The following FAF1 variants were observed in gnomAD, a reference collection of about 807,000 sequenced individuals.
The protein encoded by FAF1 is FAS-associated factor 1.
FAF1 carries 25 observed loss-of-function variants against 92.5 expected under a neutral mutation model. The ratio of observed to expected loss-of-function variants is 0.27; its 90% CI spans 0.20 to 0.38. The LOEUF (loss-of-function observed/expected upper bound fraction) is 0.38, where lower values mean the gene tolerates loss of function less well. Ranked by LOEUF, FAF1 falls within the 10% of genes least tolerant of loss-of-function variation. The pLI, the probability that FAF1 is intolerant of heterozygous loss-of-function variation, is 1.00. For synonymous variants in FAF1, 234 were observed against 273.2 expected, an observed-to-expected ratio of 0.86 and a Z score of 1.42; for missense variants, 636 against 793.3, an observed-to-expected ratio of 0.80 and a Z score of 2.38.
intron 2 of FAF1, among the ~76,000 whole-genome samples, chr1:50,832,690 C>A (rs1011197479): frequency 2.5e-4 from 38 of 152,174 alleles, no homozygotes; most frequent in Non-Finnish European, 5.0e-4. Context: ...ACTGAAGGTT[C>A]TCCACCTCTT....
intron 2 of FAF1, among the ~76,000 whole-genome samples, chr1:50,815,924 G>T (rs973797649): frequency 1.3e-5 from 2 of 151,814 alleles, no homozygotes; most frequent in African/African-American, 2.4e-5. Flanking sequence ...CTACTCTGGG[G>T]GCTGAGGCAG....
chr1:50,832,738 T>C (rs1418262051), intron 2 of FAF1, among the ~76,000 whole-genome samples: 1 of 152,202 alleles, frequency 6.6e-6, no homozygotes, highest in African/African-American at 2.4e-5. Context: ...GATAATCCTC[T>C]TTCTGTGTGT....
intron 17 of FAF1, among the ~76,000 whole-genome samples, chr1:50,476,566 TAAC>T (rs1341845504): frequency 6.6e-6 from 1 of 152,200 alleles, no homozygotes; most frequent in Non-Finnish European, 1.5e-5. Flanking sequence ...CTGAGGTCCC[TAAC>T]AACATTGGAA....
chr1:50,543,849 C>T (rs1237790580), intron 13 of FAF1, among the ~76,000 whole-genome samples: 1 of 151,782 alleles, frequency 6.6e-6, no homozygotes, highest in Non-Finnish European at 1.5e-5. Flanking sequence ...TACAATACCA[C>T]AAAATTTTAA....
At chr1:50,887,961 C>T (rs1464141595) in intron 1 of FAF1, among the ~76,000 whole-genome samples, 2 of 152,136 alleles carry the variant, frequency 1.3e-5, no homozygotes, top group Non-Finnish European at 2.9e-5. Context: ...CTATGAATTA[C>T]CTTGGGCAGT....
At chr1:50,760,173 C>T (rs920924359) in intron 4 of FAF1, among the ~76,000 whole-genome samples, 1 of 151,938 alleles carries the variant, frequency 6.6e-6, no homozygotes, top group Non-Finnish European at 1.5e-5. Context: ...ACAGGAGCAC[C>T]CAGATTCATA....
chr1:50,646,779 G>T (rs1018996814), intron 8 of FAF1, among the ~76,000 whole-genome samples: 1 of 152,034 alleles, frequency 6.6e-6, no homozygotes, highest in Non-Finnish European at 1.5e-5. Flanking sequence ...CAACTTTAAG[G>T]GCCAGCACAG....
intron 17 of FAF1, among the ~76,000 whole-genome samples, chr1:50,484,408 C>G (rs115209828): frequency 0.012 from 1,858 of 152,284 alleles, 22 homozygotes; most frequent in African/African-American, 0.042. Context: ...AACAACGGAA[C>G]ACTTCAAACT....
intron 6 of FAF1, among the ~76,000 whole-genome samples, chr1:50,734,892 A>C (rs888048937): frequency 2.0e-5 from 3 of 152,230 alleles, no homozygotes; most frequent in African/African-American, 7.2e-5. Context: ...ATATTTAGAA[A>C]TTGAAGAGTT....
chr1:50,547,458 G>C (rs1382299423), intron 13 of FAF1, among the ~76,000 whole-genome samples: 1 of 151,294 alleles, frequency 6.6e-6, no homozygotes, highest in Non-Finnish European at 1.5e-5. Context: ...TTGTTGCCCA[G>C]GCTGTAGTGC....
At chr1:50,593,640 A>G (rs1473154285) in intron 9 of FAF1, among the ~76,000 whole-genome samples, 1 of 152,234 alleles carries the variant, frequency 6.6e-6, no homozygotes, top group Non-Finnish European at 1.5e-5. Context: ...GAAAAGGAAT[A>G]AACATTTTTG....
At chr1:50,443,870 A>G (rs1472762241) in intron 18 of FAF1, among the ~76,000 whole-genome samples, 1 of 152,008 alleles carries the variant, frequency 6.6e-6, no homozygotes, top group Non-Finnish European at 1.5e-5. Context: ...ATACCAGGCT[A>G]TCTTTCTTGT....
intron 8 of FAF1, among the ~76,000 whole-genome samples, chr1:50,637,702 T>C (rs991060875): frequency 3.3e-5 from 5 of 150,858 alleles, no homozygotes; most frequent in African/African-American, 1.2e-4. Flanking sequence ...TGTGTGTGTG[T>C]GTGTGTGTGT....
intron 1 of FAF1, among the ~76,000 whole-genome samples, chr1:50,893,984 C>G (rs1482161287): frequency 6.6e-6 from 1 of 152,052 alleles, no homozygotes; most frequent in Non-Finnish European, 1.5e-5. Flanking sequence ...CACCACAGAC[C>G]CATAGGGACT....
chr1:50,569,488 T>C (rs1176606736), intron 12 of FAF1, among the ~76,000 whole-genome samples: 2 of 152,144 alleles, frequency 1.3e-5, no homozygotes, highest in Non-Finnish European at 2.9e-5. Context: ...TTAGGGAAAG[T>C]AATGTGAACC....
chr1:50,698,299 C>A (rs953716939), intron 7 of FAF1, among the ~76,000 whole-genome samples: 1 of 152,064 alleles, frequency 6.6e-6, no homozygotes, highest in Non-Finnish European at 1.5e-5. Context: ...GAAATTATAG[C>A]CTTTCCCAAC....
intron 6 of FAF1, among the ~76,000 whole-genome samples, chr1:50,716,007 G>A (rs1042298053): frequency 6.6e-6 from 1 of 152,144 alleles, no homozygotes; most frequent in Non-Finnish European, 1.5e-5. Context: ...TCTTGACTGA[G>A]TTTATGTCTC....
At chr1:50,773,468 A>G (rs1660842528) in intron 4 of FAF1, among the ~76,000 whole-genome samples, 1 of 152,254 alleles carries the variant, frequency 6.6e-6, no homozygotes, top group South Asian at 2.1e-4. Flanking sequence ...AATGTGGTAT[A>G]TACACAATGG....
rs530382783 is a variant in FAF1, at chr1:50,880,231, T to C, written c.46-22234A>G. On this transcript the variant is annotated intron_variant, in intron 1 of 18. Coordinates refer to ENST00000396153, the MANE Select transcript of FAF1 (RefSeq NM_007051.3). ...GCAATAAACAGACCAGCCAAGGAGC[T>C]GATATTCATGTCTTGATTAAGAAAT... 7.9e-5 allele frequency among the ~76,000 whole-genome samples: 12 copies of C among 152,076 alleles called. No individual in the cohort carries two copies. In the South Asian group the frequency reaches 2.3e-3, roughly 29 times the overall value.
Sources: gnomAD v4.1 joint callset for allele counts (sites outside exome capture counted in the v4.1 genomes callset) on GRCh38, gnomAD v4.1.1 for gene constraint, MANE v1.5 for transcripts, NCBI Gene and HGNC (gene_info 2026-07-23, HGNC 2026-07-21) for gene names.